HECW2: variants seen among roughly 807,000 people sequenced by gnomAD.
HECW2 encodes HECT, C2 and WW domain containing E3 ubiquitin protein ligase 2, also known as E3 ubiquitin-protein ligase HECW2.
Under a neutral mutation model 175.2 loss-of-function variants are expected in HECW2, and 61 were observed. That is an observed-to-expected ratio of 0.35 (90% CI 0.28 to 0.43). HECW2 has a LOEUF of 0.43. HECW2 is among the 20% of genes least tolerant of loss of function. The pLI is 1.00. For synonymous variants in HECW2, 671 were observed against 731.0 expected (o/e 0.92, Z 1.32); for missense variants, 1,524 against 2,000.5 (o/e 0.76, Z 4.54).
intron 28 of HECW2, among the ~76,000 whole-genome samples, chr2:196,208,971 C>G (rs907773335): frequency 2.0e-5 from 3 of 152,132 alleles, no homozygotes; most frequent in Non-Finnish European, 4.4e-5. Context: ...GCAGGAGAAG[C>G]AGGGGATTTA....
chr2:196,482,623 G>A (rs894158575), intron 1 of HECW2, among the ~76,000 whole-genome samples: 8 of 152,180 alleles, frequency 5.3e-5, no homozygotes, highest in Non-Finnish European at 8.8e-5. Context: ...TCAAAGGGAG[G>A]CCAGGAGAGA....
intron 2 of HECW2, among the ~76,000 whole-genome samples, chr2:196,355,491 C>T (rs544371225): frequency 8.5e-5 from 13 of 152,280 alleles, no homozygotes; most frequent in African/African-American, 3.1e-4. Flanking sequence ...AGTAGTAGAA[C>T]AAGACTTCCT....
In HECW2 at chr2:196,276,892, G is replaced by T. The variant is rs185951042; in HGVS notation, c.3135+1636C>A. Among the ~76,000 whole-genome samples the T allele has an allele frequency of 5.9e-5, 9 of 152,284 alleles. No individual in the cohort carries two copies. In the East Asian group the frequency reaches 1.7e-3, roughly 29 times the overall value. ...CCAAGAGTAGAATTTTGATGAATCA[G>T]ATCCAGTTATTTATTGTATTCATAT... is the stretch of plus-strand genomic sequence containing the variant. On this transcript the variant is annotated intron_variant, in intron 15 of 28. Transcript: ENST00000644978.
intron 4 of HECW2, among the ~76,000 whole-genome samples, chr2:196,332,402 A>C (rs1322956924): frequency 6.6e-6 from 1 of 152,208 alleles, no homozygotes; most frequent in African/African-American, 2.4e-5. Flanking sequence ...GACATAGACC[A>C]AACTGTCTCA....
intron 8 of HECW2, 162 bp from the exon 9 acceptor site, chr2:196,320,066 G>C: frequency 1.3e-6 from 1 of 745,240 alleles, no homozygotes; most frequent in Non-Finnish European, 2.1e-6. Flanking sequence ...TGAGGAGACT[G>C]CTAGTCAGCT....
At chr2:196,208,586 G>T (rs1687151089) in intron 28 of HECW2, among the ~76,000 whole-genome samples, 1 of 152,216 alleles carries the variant, frequency 6.6e-6, no homozygotes, top group African/African-American at 2.4e-5. Context: ...AGTGACAGGT[G>T]CACTAAGGAC....
intron 2 of HECW2, among the ~76,000 whole-genome samples, chr2:196,429,300 T>C (rs1450880715): frequency 3.9e-5 from 6 of 152,176 alleles, no homozygotes; most frequent in African/African-American, 1.4e-4. Flanking sequence ...CCTATCAGGG[T>C]TCTGACTACA....
At chr2:196,351,354 T>C (rs1693164944) in intron 2 of HECW2, among the ~76,000 whole-genome samples, 2 of 152,162 alleles carry the variant, frequency 1.3e-5, no homozygotes, top group African/African-American at 4.8e-5. Context: ...TTCCAGAAAA[T>C]TATCCTTTTA....
chr2:196,341,202 G>T (rs955326950), intron 3 of HECW2, among the ~76,000 whole-genome samples: 1 of 151,346 alleles, frequency 6.6e-6, no homozygotes, highest in Non-Finnish European at 1.5e-5. Context: ...CTTCCCATGG[G>T]TTCACATGAG....
intron 17 of HECW2, chr2:196,269,608 T>C (rs542426818): frequency 9.2e-5 from 14 of 152,170 alleles, no homozygotes; most frequent in African/African-American, 2.4e-4. Context: ...ACATTCAGTA[T>C]GTGCAAAATG....
At chr2:196,321,171 A>T (rs1016305447) in intron 7 of HECW2, among the ~76,000 whole-genome samples, 1 of 152,204 alleles carries the variant, frequency 6.6e-6, no homozygotes, top group African/African-American at 2.4e-5. Context: ...TGGTTGGCAA[A>T]GCCAGATGTG....
intron 19 of HECW2, among the ~76,000 whole-genome samples, chr2:196,245,250 C>T (rs1181670165): frequency 1.3e-5 from 2 of 152,206 alleles, no homozygotes; most frequent in Non-Finnish European, 2.9e-5. Flanking sequence ...GCACGTTACA[C>T]AGGGGATCTT....
At chr2:196,363,705 T>C (rs1693665908) in intron 2 of HECW2, among the ~76,000 whole-genome samples, 2 of 152,166 alleles carry the variant, frequency 1.3e-5, no homozygotes, top group South Asian at 4.1e-4. Context: ...GCACCTGTAG[T>C]GCCAGCTACT....
intron 18 of HECW2, among the ~76,000 whole-genome samples, chr2:196,257,285 G>A (rs199874670): frequency 3.8e-5 from 5 of 131,210 alleles, no homozygotes; most frequent in East Asian, 1.9e-4. Context: ...GGTGAGGGGC[G>A]GGGGTGAAAA....
chr2:196,397,732 G>A (rs1301420974), intron 2 of HECW2, among the ~76,000 whole-genome samples: 1 of 152,128 alleles, frequency 6.6e-6, no homozygotes, highest in African/African-American at 2.4e-5. Context: ...TTTTCCCTTG[G>A]AAGTTGTTAA....
At chr2:196,327,981 G>A (rs142508598) in intron 5 of HECW2, among the ~76,000 whole-genome samples, 1 of 152,098 alleles carries the variant, frequency 6.6e-6, no homozygotes, top group South Asian at 2.1e-4. Context: ...AGAATGATAC[G>A]GATCACCTAA....
chr2:196,454,290 T>C (rs76975393), intron 1 of HECW2, among the ~76,000 whole-genome samples: 13,052 of 152,222 alleles, frequency 0.086, 634 homozygotes, highest in South Asian at 0.17. Flanking sequence ...GGTGAAATGA[T>C]ACTATAGAGC....
chr2:196,429,690 C>T (rs963081762), intron 2 of HECW2, among the ~76,000 whole-genome samples: 9 of 152,170 alleles, frequency 5.9e-5, no homozygotes, highest in Non-Finnish European at 1.0e-4. Flanking sequence ...TCACCCAGAT[C>T]TCAGATGGAG....
chr2:196,346,039 T>C (rs1418077051), intron 2 of HECW2, among the ~76,000 whole-genome samples: 1 of 152,226 alleles, frequency 6.6e-6, no homozygotes, highest in African/African-American at 2.4e-5. Context: ...GGAAATTTCC[T>C]AAAAACGTTG....
Sources: allele counts gnomAD v4.1 joint callset (sites outside exome capture counted in the v4.1 genomes callset), GRCh38; gene constraint gnomAD v4.1.1; transcripts MANE v1.5; gene names NCBI Gene and HGNC (gene_info 2026-07-23, HGNC 2026-07-21).